The following HEMK2 variants were observed in gnomAD, a reference collection of about 807,000 sequenced individuals.
The protein encoded by HEMK2 is methyltransferase HEMK2.
At chr21:28,690,644 T>A in the HEMK2 span, among the ~76,000 whole-genome samples, 3 of 152,084 alleles carry the variant, frequency 2.0e-5, no homozygotes, top group Non-Finnish European at 4.4e-5. Context: ...GTGCCCCAAC[T>A]CAAATGCAGC....
chr21:28,791,513 A>C, the HEMK2 span, among the ~76,000 whole-genome samples: 2 of 152,210 alleles, frequency 1.3e-5, no homozygotes, highest in Non-Finnish European at 2.9e-5. Flanking sequence ...CTGAGTGTTC[A>C]ATATTTCCTC....
At chr21:28,634,947 T>C in the HEMK2 span, among the ~76,000 whole-genome samples, 35 of 152,248 alleles carry the variant, frequency 2.3e-4, no homozygotes, top group South Asian at 8.3e-4. Flanking sequence ...AGGAAAGACA[T>C]GTGTTACATT....
At chr21:28,707,853 C>T in the HEMK2 span, among the ~76,000 whole-genome samples, 1 of 151,956 alleles carries the variant, frequency 6.6e-6, no homozygotes, top group Non-Finnish European at 1.5e-5. Context: ...ACACTGTACA[C>T]CTTGAATATA....
the HEMK2 span, among the ~76,000 whole-genome samples, chr21:28,825,402 A>G: frequency 6.6e-6 from 1 of 152,208 alleles, no homozygotes; most frequent in Admixed American, 6.5e-5. Context: ...TCAGCTGAGC[A>G]TAAGTAATAG....
At chr21:28,590,284 A>G in the HEMK2 span, among the ~76,000 whole-genome samples, 1 of 152,302 alleles carries the variant, frequency 6.6e-6, no homozygotes, top group South Asian at 2.1e-4. Context: ...AAGAAACTGG[A>G]CACCAGTGTA....
At chr21:28,692,806 G>A in the HEMK2 span, among the ~76,000 whole-genome samples, 1 of 152,050 alleles carries the variant, frequency 6.6e-6, no homozygotes, top group East Asian at 1.9e-4. Flanking sequence ...CAAACAAGAG[G>A]CTATTATTCT....
the HEMK2 span, among the ~76,000 whole-genome samples, chr21:28,864,818 GACA>G: frequency 2.4e-5 from 2 of 84,208 alleles, no homozygotes; most frequent in African/African-American, 8.0e-5. Context: ...AAGACAGACA[GACA>G]GATAGATAGA....
chr21:28,770,619 G>T, the HEMK2 span, among the ~76,000 whole-genome samples: 1 of 152,158 alleles, frequency 6.6e-6, no homozygotes, highest in African/African-American at 2.4e-5. Flanking sequence ...TGTCATTATT[G>T]TGGGAGTGAA....
chr21:28,830,747 G>A, the HEMK2 span, among the ~76,000 whole-genome samples: 5 of 151,938 alleles, frequency 3.3e-5, 1 homozygote, highest in South Asian at 1.0e-3. Flanking sequence ...CATGGTGGCA[G>A]GCGCATGCAA....
At chr21:28,647,543 T>C in the HEMK2 span, among the ~76,000 whole-genome samples, 1 of 148,500 alleles carries the variant, frequency 6.7e-6, no homozygotes, top group South Asian at 2.1e-4. Flanking sequence ...AAAGTAGCAC[T>C]GGGGGAATTC....
the HEMK2 span, among the ~76,000 whole-genome samples, chr21:28,867,142 G>A: frequency 1.3e-5 from 2 of 152,134 alleles, no homozygotes; most frequent in Non-Finnish European, 2.9e-5. Context: ...GTATGATTTA[G>A]AAATTCCACT....
the HEMK2 span, among the ~76,000 whole-genome samples, chr21:28,734,638 A>G: frequency 2.0e-5 from 3 of 152,194 alleles, no homozygotes; most frequent in Non-Finnish European, 2.9e-5. Flanking sequence ...CCCATGCCAG[A>G]GCTTTGATCA....
the HEMK2 span, among the ~76,000 whole-genome samples, chr21:28,615,002 C>T: frequency 5.3e-5 from 8 of 152,112 alleles, no homozygotes; most frequent in Admixed American, 5.2e-4. Flanking sequence ...TTCAGAATGC[C>T]TCTTCTTGTC....
At chr21:28,841,218 ATAT>A in the HEMK2 span, among the ~76,000 whole-genome samples, 3 of 14,172 alleles carry the variant, frequency 2.1e-4, no homozygotes, top group African/African-American at 1.4e-3. Context: ...TATATTATAT[ATAT>A]TATATATTAT....
chr21:28,788,336 T>C, the HEMK2 span, among the ~76,000 whole-genome samples: 1 of 151,720 alleles, frequency 6.6e-6, no homozygotes, highest in Non-Finnish European at 1.5e-5. Context: ...GATGGAATAC[T>C]ATGCAGTCAT....
the HEMK2 span, among the ~76,000 whole-genome samples, chr21:28,710,651 G>A: frequency 1.3e-5 from 2 of 152,184 alleles, no homozygotes; most frequent in African/African-American, 4.8e-5. Flanking sequence ...GCTGGGGAGT[G>A]AGGAAGAAGG....
chr21:28,685,564 GA>G, the HEMK2 span, among the ~76,000 whole-genome samples: 4 of 152,274 alleles, frequency 2.6e-5, no homozygotes, highest in Admixed American at 2.6e-4. Flanking sequence ...CAAACTTACA[GA>G]AGCCAGTTTG....
the HEMK2 span, among the ~76,000 whole-genome samples, chr21:28,663,571 C>G: frequency 6.6e-6 from 1 of 152,212 alleles, no homozygotes; most frequent in African/African-American, 2.4e-5. Flanking sequence ...TCACATGGCC[C>G]ATCGGCAAGA....
At chr21:28,745,932 G>GC in the HEMK2 span, among the ~76,000 whole-genome samples, 3 of 152,178 alleles carry the variant, frequency 2.0e-5, no homozygotes, top group African/African-American at 7.2e-5. Context: ...GCTTAGCTAA[G>GC]AAACATTAAC....
Sources: allele counts gnomAD v4.1 joint callset (sites outside exome capture counted in the v4.1 genomes callset), GRCh38; gene constraint gnomAD v4.1.1; transcripts MANE v1.5; gene names NCBI Gene and HGNC (gene_info 2026-07-23, HGNC 2026-07-21).